Variants in PLAGL1 observed in about 807,000 individuals in gnomAD.
The protein encoded by PLAGL1 is zinc finger protein PLAGL1.
A neutral mutation model predicts 4.6 loss-of-function variants in PLAGL1; 1 was observed. The ratio of observed to expected loss-of-function variants is 0.22; its 90% CI spans 0.08 to 1.03. The LOEUF (loss-of-function observed/expected upper bound fraction) is 1.03. Among genes scored for constraint, PLAGL1 ranks in the 50% least tolerant of loss-of-function variants. PLAGL1 has a pLI of 0.58. For missense variants in PLAGL1, 464 were observed against 570.4 expected (o/e 0.81, Z 1.90); for synonymous variants, 240 against 237.8 (o/e 1.01, Z -0.08).
Position 143,991,395 on chromosome 6 carries a change from T to C in PLAGL1, c.-583-6221A>G, listed in dbSNP as rs1318148398. 2.6e-5 allele frequency among the ~76,000 whole-genome samples: 4 copies of C among 152,198 alleles called. No homozygotes were observed. In the South Asian group the frequency reaches 6.2e-4, roughly 24 times the overall value. On this transcript the variant is annotated intron_variant, in intron 1 of 7. Coordinates refer to ENST00000674357, the MANE Select transcript of PLAGL1 (RefSeq NM_001317162.2). ...TCTTGGAGTCTGTACCTCTAGAACA[T>C]GGCACTGGGGGGCCGTGATACTGAA...
At chr6:143,974,300 C>G (rs1786009832) in intron 2 of PLAGL1, among the ~76,000 whole-genome samples, 1 of 151,532 alleles carries the variant, frequency 6.6e-6, no homozygotes, top group African/African-American at 2.4e-5. Context: ...AGAAAATAAA[C>G]AATATTGGAA....
intron 1 of PLAGL1, among the ~76,000 whole-genome samples, chr6:143,987,678 G>A (rs1257197835): frequency 2.0e-5 from 3 of 151,968 alleles, no homozygotes; most frequent in Non-Finnish European, 4.4e-5. Context: ...GGCTGGGCCA[G>A]CGTGACAGAC....
intron 1 of PLAGL1, among the ~76,000 whole-genome samples, chr6:144,030,254 C>CAAAAAAAAAAAAA (rs66563676): frequency 1.1e-4 from 5 of 44,550 alleles, no homozygotes; most frequent in Non-Finnish European, 2.0e-4. Flanking sequence ...GACTCCGTCT[C>CAAAAAAAAAAAAA]AAAAAAAAAA....
At chr6:144,049,986 G>A (rs1229659774) in intron 1 of PLAGL1, among the ~76,000 whole-genome samples, 2 of 152,196 alleles carry the variant, frequency 1.3e-5, no homozygotes, top group Non-Finnish European at 2.9e-5. Flanking sequence ...AAGTGGAGGG[G>A]AGGAAAGGTG....
chr6:143,985,606 C>G lies in PLAGL1; in HGVS notation c.-583-432G>C, dbSNP rs935960714. 6.6e-6 allele frequency among the ~76,000 whole-genome samples: 1 copy of G among 152,076 alleles called. No homozygotes were observed. Among genetic ancestry groups the G allele is most frequent in the African/African-American group, 2.4e-5 (1 of 41,416 alleles). On this transcript the variant is annotated intron_variant, in intron 1 of 7. Transcript: ENST00000674357. The surrounding 1 kb of genome is among the most constrained non-coding windows in gnomAD (Gnocchi z 4.4). ...GCCATTTACAAAAAGTATTTCATTC[C>G]TTGTCCATAGTTCTATGTCTACTAC...
chr6:143,997,927 C>T lies in PLAGL1; in HGVS notation c.-584+10163G>A, dbSNP rs76422132. Reference sequence around the variant, plus strand: ...ATGGCAGATTTCATATGTTTTTCTTCCCCATGTATTTTAGGCCTCAACAGA... The same window carrying T: ...ATGGCAGATTTCATATGTTTTTCTTTCCCATGTATTTTAGGCCTCAACAGA... On this transcript the variant is annotated intron_variant, in intron 1 of 7. Transcript: ENST00000674357. The surrounding 1 kb of genome is among the most constrained non-coding windows in gnomAD (Gnocchi z 4.6). 6.7e-3 allele frequency among the ~76,000 whole-genome samples: 1,018 copies of T among 152,198 alleles called. 43 individuals are homozygous for T. In the East Asian group the frequency reaches 0.11, roughly 17 times the overall value.
chr6:143,974,731 G>C (rs1450534889), intron 2 of PLAGL1, among the ~76,000 whole-genome samples: 1 of 152,154 alleles, frequency 6.6e-6, no homozygotes, highest in African/African-American at 2.4e-5. Flanking sequence ...CCTTGACGCA[G>C]TACTATGAAA....
chr6:144,055,962 G>A lies in PLAGL1; in HGVS notation c.-151+8506C>T, dbSNP rs1047647691. ...AATAGTAGTGCTCTTACTTTTGAAA[G>A]CAGATCCACCCTTTTCATAATGATA... On this transcript the variant is annotated intron_variant, in intron 1 of 3. Transcript: ENST00000437412. This position sits in a 1 kb window ranked among gnomAD's most constrained non-coding sequence, Gnocchi z 5.0. 2.0e-5 allele frequency among the ~76,000 whole-genome samples: 3 copies of A among 152,060 alleles called. No homozygotes were observed. The highest frequency in any genetic ancestry group is 7.2e-5 in the African/African-American group (3 of 41,398).
At position 144,053,213 on chromosome 6, in the gene PLAGL1, C is replaced by T. The variant is rs558241489; in HGVS notation, c.-151+11255G>A. 3.9e-5 allele frequency among the ~76,000 whole-genome samples: 6 copies of T among 152,310 alleles called. No individual in the cohort carries two copies. The South Asian group carries it at 1.0e-3, about 26-fold the overall frequency. On this transcript the variant is annotated intron_variant, in intron 1 of 3. Coordinates refer to the PLAGL1 transcript ENST00000437412. This position sits in a 1 kb window ranked among gnomAD's most constrained non-coding sequence, Gnocchi z 4.0. ...GCAGTGGCGCAATTTTGGCTTACTG[C>T]AACCTCTGCCTCCCGGGTTCAAGCA...
chr6:143,959,480 T>C lies in PLAGL1; in HGVS notation c.-325+989A>G, dbSNP rs1198996968. 6.6e-6 allele frequency among the ~76,000 whole-genome samples: 1 copy of C among 152,152 alleles called. No homozygotes were observed. The highest frequency in any genetic ancestry group is 6.5e-5 in the Admixed American group (1 of 15,286). ...TAGAACTGCTAGGTCCTAGTAGATA[T>C]GTTGGCCCTGTTGGGATTAATTTCA... On this transcript the variant is annotated intron_variant, in intron 6 of 7. Transcript: ENST00000674357. The surrounding 1 kb of genome is among the most constrained non-coding windows in gnomAD (Gnocchi z 5.3).
At position 143,940,901 on chromosome 6, in the gene PLAGL1, C is replaced by T. The variant is rs1407234304; in HGVS notation, c.*523G>A. On this transcript the variant is annotated 3_prime_UTR_variant, in exon 8 of 8. Transcript: ENST00000674357. ...TCCACAAGAAAATGTATATGTAAAACTACAGGTTGGCTATGGTAATAGTAA... is the reference window on the plus strand; with the variant it reads ...TCCACAAGAAAATGTATATGTAAAATTACAGGTTGGCTATGGTAATAGTAA... The T allele has an allele frequency of 6.6e-6, 1 of 152,600 alleles. No homozygotes were observed. Among genetic ancestry groups the T allele is most frequent in the Non-Finnish European group, 1.5e-5 (1 of 68,042 alleles). 9.5% of individuals were successfully genotyped at this position (152,600 alleles called of 1,614,324 possible). A position where few individuals can be genotyped will look rare whatever the true frequency, so the allele number is the denominator to read the frequency against.
rs556462716 is a variant in PLAGL1 at position 143,986,743 on chromosome 6, G to A, written c.-583-1569C>T. On this transcript the variant is annotated intron_variant, in intron 1 of 7. Coordinates refer to ENST00000674357, the MANE Select transcript of PLAGL1 (RefSeq NM_001317162.2). ...CTGTGAAACTACACAGCACATTTAT[G>A]CATAGCTGTGACAGTTTTGCCTATC... is the stretch of plus-strand genomic sequence containing the variant. 4.6e-5 allele frequency among the ~76,000 whole-genome samples: 7 copies of A among 152,268 alleles called. 1 individual carries two copies. In the South Asian group the frequency reaches 1.5e-3, roughly 32 times the overall value.
intron 1 of PLAGL1, among the ~76,000 whole-genome samples, chr6:144,047,280 G>A (rs954735404): frequency 2.9e-4 from 44 of 152,158 alleles, no homozygotes; most frequent in East Asian, 3.9e-4. Context: ...CTTCTGCATC[G>A]ATCACACTGG....
Position 144,053,850 on chromosome 6 carries a change from A to C in PLAGL1, c.-151+10618T>G, listed in dbSNP as rs138288492. ...GCTACAATAAAATATGATGAAACTT[A>C]TTTGTCATCTCTGGGCTCAGCCTCT... is the stretch of plus-strand genomic sequence containing the variant. On this transcript the variant is annotated intron_variant, in intron 1 of 3. Coordinates refer to the PLAGL1 transcript ENST00000437412. The surrounding 1 kb of genome is among the most constrained non-coding windows in gnomAD (Gnocchi z 4.0). Among the ~76,000 whole-genome samples, 100 of 152,306 alleles carry C rather than the reference A, an allele frequency of 6.6e-4. 1 individual carries two copies. The East Asian group carries it at 0.018, about 27-fold the overall frequency.
chr6:144,047,418 C>A (rs187493661), intron 1 of PLAGL1, among the ~76,000 whole-genome samples: 1 of 152,162 alleles, frequency 6.6e-6, no homozygotes, highest in Admixed American at 6.5e-5. Context: ...AGTGCATTCT[C>A]ACATTGCTAT....
At position 144,054,506 on chromosome 6, in the gene PLAGL1, C is replaced by G. The variant is rs535521101; in HGVS notation, c.-151+9962G>C. Among the ~76,000 whole-genome samples, 73 of 152,224 alleles carry G rather than the reference C, an allele frequency of 4.8e-4. No individual in the cohort carries two copies. In the Middle Eastern group the frequency reaches 0.02, roughly 43 times the overall value. On this transcript the variant is annotated intron_variant, in intron 1 of 3. Coordinates refer to the PLAGL1 transcript ENST00000437412. ...AGCAAACTAACACAGGAGCAGAAAA[C>G]CAAAAACTGCACGTTCTCACTTGTA... is the stretch of plus-strand genomic sequence containing the variant.
rs1796462257 is a variant in PLAGL1 at position 144,027,572 on chromosome 6, A to T, written c.-151+36896T>A. The stretch of plus-strand genomic sequence containing the variant: ...CACCTCCCACCATCCTCCAGCACCA[A>T]CTGCACCCATGGAAAAGAACCTATA... On this transcript the variant is annotated intron_variant, in intron 1 of 3. Coordinates refer to the PLAGL1 transcript ENST00000437412. The surrounding 1 kb of genome is among the most constrained non-coding windows in gnomAD (Gnocchi z 5.8). Among the ~76,000 whole-genome samples, 1 of 152,204 alleles carries T rather than the reference A, an allele frequency of 6.6e-6. No individual in the cohort carries two copies. The highest frequency in any genetic ancestry group is 6.5e-5 in the Admixed American group (1 of 15,280).
chr6:144,023,447 G>A (rs1053568728), intron 1 of PLAGL1, among the ~76,000 whole-genome samples: 2 of 152,102 alleles, frequency 1.3e-5, no homozygotes, highest in Non-Finnish European at 2.9e-5. Context: ...ACTAATGTAC[G>A]GCATAAACTC....
Position 143,948,194 on chromosome 6 carries a change from A to G in PLAGL1, c.-58T>C. ...GTGCTGACCAAATGCTGTGCCATTT[A>G]AGCACAAACAGAACGATGGTGCTGG... On this transcript the variant is annotated 5_prime_UTR_variant, in exon 7 of 8. Coordinates refer to ENST00000674357, the MANE Select transcript of PLAGL1 (RefSeq NM_001317162.2). This position sits in a 1 kb window ranked among gnomAD's most constrained non-coding sequence, Gnocchi z 6.0. 5.3e-6 allele frequency: 8 copies of G among 1,518,604 alleles called. No homozygotes were observed. Among genetic ancestry groups the G allele is most frequent in the Non-Finnish European group, 7.3e-6 (8 of 1,098,274 alleles). The allele number at this position is 1,518,604 out of a possible 1,614,324, so 94.1% of individuals were successfully genotyped here.
Sources: allele counts gnomAD v4.1 joint callset (sites outside exome capture counted in the v4.1 genomes callset), GRCh38; gene constraint gnomAD v4.1.1; non-coding constraint Gnocchi (gnomAD v3.1); transcripts MANE v1.5; gene names NCBI Gene and HGNC (gene_info 2026-07-23, HGNC 2026-07-21).